Variants in HS3ST4 observed in about 807,000 individuals in gnomAD.
HS3ST4 encodes the protein heparan sulfate glucosamine 3-O-sulfotransferase 4.
HS3ST4 carries 17 observed loss-of-function variants against 29.2 expected under a neutral mutation model. The ratio of observed to expected loss-of-function variants is 0.58; its 90% CI spans 0.40 to 0.87. The LOEUF is 0.87. Ranked by LOEUF, HS3ST4 falls within the 40% of genes least tolerant of loss-of-function variation. The probability of loss-of-function intolerance (pLI) is 0.00; values close to 1 mark genes in which losing one functional copy is unlikely to be tolerated. For synonymous variants in HS3ST4, 314 were observed against 285.7 expected, an observed-to-expected ratio of 1.10 and a Z score of -1.00; for missense variants, 627 against 634.5, an observed-to-expected ratio of 0.99 and a Z score of 0.13.
Position 26,100,259 on chromosome 16 carries a change from C to T in HS3ST4, c.735-35353C>T, listed in dbSNP as rs114544144. Among the ~76,000 whole-genome samples, 321 of 152,234 alleles carry T rather than the reference C, an allele frequency of 2.1e-3. 1 individual carries two copies. The highest frequency in any genetic ancestry group is 7.5e-3 in the African/African-American group (312 of 41,536). ...TGCATCACACAATATTCTCCTATAA[C>T]AAACCTGCACATCTACCTCCTGGAT... On this transcript the variant is annotated intron_variant, in intron 1 of 1. Coordinates refer to ENST00000331351, the MANE Select transcript of HS3ST4 (RefSeq NM_006040.3).
chr16:26,028,421 C>G (rs1969499003), intron 1 of HS3ST4, among the ~76,000 whole-genome samples: 1 of 151,824 alleles, frequency 6.6e-6, no homozygotes, highest in South Asian at 2.1e-4. Flanking sequence ...GACTAGTTAT[C>G]AAGAAGAGAG....
chr16:25,757,736 T>G (rs1245621869), intron 1 of HS3ST4, among the ~76,000 whole-genome samples: 1 of 151,954 alleles, frequency 6.6e-6, no homozygotes, highest in Admixed American at 6.6e-5. Context: ...GCATTTTTCT[T>G]CCTGGAGGCT....
intron 1 of HS3ST4, among the ~76,000 whole-genome samples, chr16:26,109,135 C>T (rs944448892): frequency 7.2e-5 from 11 of 152,244 alleles, no homozygotes; most frequent in African/African-American, 1.9e-4. Flanking sequence ...ATGCACTCTC[C>T]GGCAAAATGA....
intron 1 of HS3ST4, among the ~76,000 whole-genome samples, chr16:25,772,820 A>G (rs1966844138): frequency 6.6e-6 from 1 of 152,184 alleles, no homozygotes; most frequent in Non-Finnish European, 1.5e-5. Context: ...CTGTAATGTT[A>G]CAAGTCTAAT....
intron 1 of HS3ST4, among the ~76,000 whole-genome samples, chr16:25,795,835 C>A (rs1966883201): frequency 6.6e-6 from 1 of 152,154 alleles, no homozygotes; most frequent in Non-Finnish European, 1.5e-5. Context: ...CAGTGCATCA[C>A]CCTCTACGTG....
intron 1 of HS3ST4, among the ~76,000 whole-genome samples, chr16:25,983,753 C>T (rs535523444): frequency 7.9e-5 from 12 of 152,270 alleles, no homozygotes; most frequent in African/African-American, 2.6e-4. Flanking sequence ...GTGAAATGTA[C>T]ATCATTCACC....
intron 1 of HS3ST4, among the ~76,000 whole-genome samples, chr16:25,697,531 G>A (rs1345333504): frequency 6.6e-6 from 1 of 152,150 alleles, no homozygotes; most frequent in African/African-American, 2.4e-5. Flanking sequence ...CCTTTTCAAT[G>A]TGGCTACTAG....
chr16:25,955,737 C>A (rs1968725492), intron 1 of HS3ST4, among the ~76,000 whole-genome samples: 1 of 151,674 alleles, frequency 6.6e-6, no homozygotes, highest in Admixed American at 6.6e-5. Context: ...GAAAATGATA[C>A]CAGTGTGAGT....
At chr16:25,915,479 C>T (rs145983759) in intron 1 of HS3ST4, among the ~76,000 whole-genome samples, 3 of 152,118 alleles carry the variant, frequency 2.0e-5, no homozygotes, top group Middle Eastern at 3.2e-3. Flanking sequence ...ATTCCAAGAG[C>T]ATAACATCTG....
At chr16:26,068,480 C>G (rs1336835961) in intron 1 of HS3ST4, among the ~76,000 whole-genome samples, 1 of 152,068 alleles carries the variant, frequency 6.6e-6, no homozygotes, top group Non-Finnish European at 1.5e-5. Context: ...AGGGTCTTCC[C>G]CAAATTTACA....
intron 1 of HS3ST4, among the ~76,000 whole-genome samples, chr16:25,738,566 C>T (rs557750505): frequency 2.0e-5 from 3 of 152,280 alleles, no homozygotes; most frequent in South Asian, 2.1e-4. Flanking sequence ...TCAGGAGTTG[C>T]TGAATGTCCC....
At chr16:25,943,180 G>A (rs1567277751) in intron 1 of HS3ST4, among the ~76,000 whole-genome samples, 1 of 152,018 alleles carries the variant, frequency 6.6e-6, no homozygotes, top group Non-Finnish European at 1.5e-5. Flanking sequence ...ATATTCTTAA[G>A]CATCTGGGGC....
chr16:25,808,580 G>A (rs1967011626), intron 1 of HS3ST4, among the ~76,000 whole-genome samples: 1 of 152,014 alleles, frequency 6.6e-6, no homozygotes, highest in African/African-American at 2.4e-5. Flanking sequence ...TTTCAAGATT[G>A]TTTTAAACAT....
rs140699358 is a variant in HS3ST4, at chr16:26,013,056, G to A, written c.735-122556G>A. Among the ~76,000 whole-genome samples, 133 of 152,188 alleles carry A rather than the reference G, an allele frequency of 8.7e-4. No homozygotes were observed. In the East Asian group the frequency reaches 0.022, roughly 26 times the overall value. On this transcript the variant is annotated intron_variant, in intron 1 of 1. Transcript: ENST00000331351. ...CGCGTGCCTGTAATCCCAGCTACTC[G>A]GGAGGCTGAGGCAAGAGAATCGCTT...
chr16:25,864,068 G>C lies in HS3ST4; in HGVS notation c.734+170917G>C, dbSNP rs187146167. Among the ~76,000 whole-genome samples the C allele has an allele frequency of 1.3e-4, 20 of 152,270 alleles. No homozygotes were observed. In the East Asian group the frequency reaches 3.1e-3, roughly 24 times the overall value. On this transcript the variant is annotated intron_variant, in intron 1 of 1. Transcript: ENST00000331351. ...TCTGTGCACACGCCCTCTTCTCTCT[G>C]TGTGTGTGTCCTGATCTCCTCTTCC...
intron 1 of HS3ST4, among the ~76,000 whole-genome samples, chr16:26,057,128 A>G (rs1424284258): frequency 1.3e-5 from 2 of 152,224 alleles, no homozygotes; most frequent in African/African-American, 4.8e-5. Context: ...GCCAGTAAGT[A>G]CATGATGGAA....
At chr16:25,752,690 T>G (rs916176182) in intron 1 of HS3ST4, among the ~76,000 whole-genome samples, 1 of 152,208 alleles carries the variant, frequency 6.6e-6, no homozygotes, top group Non-Finnish European at 1.5e-5. Context: ...AACAAAGTAT[T>G]GAGTATTTGT....
At chr16:25,838,203 C>T (rs1338348383) in intron 1 of HS3ST4, among the ~76,000 whole-genome samples, 7 of 152,228 alleles carry the variant, frequency 4.6e-5, no homozygotes, top group South Asian at 2.1e-4. Flanking sequence ...TCGATATTAA[C>T]GACTACCGCT....
At chr16:26,004,833 T>A (rs1436151534) in intron 1 of HS3ST4, among the ~76,000 whole-genome samples, 1 of 152,166 alleles carries the variant, frequency 6.6e-6, no homozygotes, top group Non-Finnish European at 1.5e-5. Flanking sequence ...TTTTTATGAT[T>A]TCATTTTTTC....
Sources: gnomAD v4.1 joint callset for allele counts (sites outside exome capture counted in the v4.1 genomes callset) on GRCh38, gnomAD v4.1.1 for gene constraint, MANE v1.5 for transcripts, NCBI Gene and HGNC (gene_info 2026-07-23, HGNC 2026-07-21) for gene names.